Variants in TYR observed in about 807,000 individuals in gnomAD.
TYR encodes LB24-AB.
In TYR, 58 loss-of-function variants were observed where a neutral mutation model predicts 51.5. The ratio of observed to expected loss-of-function variants is 1.13; its 90% CI spans 0.91 to 1.40. The LOEUF (loss-of-function observed/expected upper bound fraction) is 1.40, where lower values mean the gene tolerates loss of function less well. Among genes scored for constraint, TYR ranks in the 40% most tolerant of loss-of-function variants. TYR has a pLI of 0.00. For missense variants in TYR, 732 were observed against 647.4 expected (o/e 1.13, Z -1.42); for synonymous variants, 263 against 235.2 (o/e 1.12, Z -1.08).
At chr11:89,229,053 G>A (rs778854454) in intron 3 of TYR, among the ~76,000 whole-genome samples, 4 of 152,026 alleles carry the variant, frequency 2.6e-5, no homozygotes, top group East Asian at 1.9e-4. Flanking sequence ...GTTATTTTTC[G>A]TGTTTTAAAG....
Position 89,284,924 on chromosome 11 carries a change from G to A in TYR, c.1336G>A (p.Gly446Ser), listed in dbSNP as rs104894317. 319 of 1,611,380 alleles carry A rather than the reference G, an allele frequency of 2.0e-4. No homozygotes were observed. The highest frequency in any genetic ancestry group is 2.6e-4 in the Non-Finnish European group (309 of 1,178,374). Residue 446 changes from glycine (G) to serine (S), a missense_variant, in exon 4 of 5, where the codon GGC (glycine) becomes AGC (serine). Coordinates refer to ENST00000263321, the MANE Select transcript of TYR (RefSeq NM_000372.5). ...GDFFISSKDL[G>S]YDYSYLQDSD... ...TTTCTTTATTTCATCCAAAGATCTG[G>A]GCTATGACTATAGCTATCTACAAGA...
At chr11:89,200,000 TG>T (rs1362691868) in intron 2 of TYR, among the ~76,000 whole-genome samples, 1 of 152,156 alleles carries the variant, frequency 6.6e-6, no homozygotes. Flanking sequence ...GGATAAGTCT[TG>T]GGAAAAATAT....
chr11:89,283,731 A>C (rs1339080038), intron 3 of TYR: 2 of 151,858 alleles, frequency 1.3e-5, no homozygotes, highest in African/African-American at 2.4e-5. Context: ...TCTCTTTGTC[A>C]TATTGTTAAT....
chr11:89,205,835 T>C (rs1235615405), intron 2 of TYR, among the ~76,000 whole-genome samples: 1 of 152,166 alleles, frequency 6.6e-6, no homozygotes, highest in African/African-American at 2.4e-5. Flanking sequence ...GTTTTCTAAA[T>C]TGTGATTTAA....
intron 3 of TYR, among the ~76,000 whole-genome samples, chr11:89,261,216 A>C (rs1944453097): frequency 6.6e-6 from 1 of 152,168 alleles, no homozygotes; most frequent in African/African-American, 2.4e-5. Context: ...TGTCAAGAAT[A>C]ATGACATTTT....
At chr11:89,251,628 A>G (rs888598839) in intron 3 of TYR, among the ~76,000 whole-genome samples, 1 of 151,914 alleles carries the variant, frequency 6.6e-6, no homozygotes, top group African/African-American at 2.4e-5. Context: ...AAAGGAAAAA[A>G]GTTTTGTTTC....
At chr11:89,205,547 T>C (rs895019048) in intron 2 of TYR, among the ~76,000 whole-genome samples, 3 of 152,158 alleles carry the variant, frequency 2.0e-5, no homozygotes, top group Admixed American at 6.5e-5. Flanking sequence ...ATGACAGATC[T>C]TTCCTTTGAC....
chr11:89,271,704 T>A (rs1237332398), intron 3 of TYR, among the ~76,000 whole-genome samples: 1 of 151,960 alleles, frequency 6.6e-6, no homozygotes, highest in East Asian at 1.9e-4. Flanking sequence ...TAGCATGTGA[T>A]GCTGTTTGAT....
chr11:89,262,654 G>A (rs1944471664), intron 3 of TYR, among the ~76,000 whole-genome samples: 1 of 138,344 alleles, frequency 7.2e-6, no homozygotes, highest in African/African-American at 2.7e-5. Context: ...AGGAATGAAA[G>A]AGGGGACATT....
chr11:89,180,160 T>A (rs1943282900), intron 1 of TYR, among the ~76,000 whole-genome samples: 1 of 152,206 alleles, frequency 6.6e-6, no homozygotes, highest in African/African-American at 2.4e-5. Flanking sequence ...AAAAATGTGC[T>A]TGGAAAAAAA....
At chr11:89,210,737 A>C (rs1943743568) in intron 2 of TYR, among the ~76,000 whole-genome samples, 1 of 152,210 alleles carries the variant, frequency 6.6e-6, no homozygotes, top group African/African-American at 2.4e-5. Flanking sequence ...GTTACCCACA[A>C]AGGGAAGCCC....
chr11:89,222,419 C>G (rs750873286), intron 2 of TYR, among the ~76,000 whole-genome samples: 3 of 152,112 alleles, frequency 2.0e-5, no homozygotes, highest in Non-Finnish European at 4.4e-5. Context: ...AAGAAAAGAG[C>G]AAAAGAGATC....
At chr11:89,228,015 A>G in intron 3 of TYR, 45 bp downstream of exon 3, 1 of 1,603,088 alleles carries the variant, frequency 6.2e-7, no homozygotes, top group Non-Finnish European at 8.5e-7. Flanking sequence ...TTGGATTTAA[A>G]TAGAGGGTGC....
At chr11:89,244,870 C>T (rs1944243948) in intron 3 of TYR, among the ~76,000 whole-genome samples, 3 of 152,126 alleles carry the variant, frequency 2.0e-5, no homozygotes, top group South Asian at 2.1e-4. Context: ...AACTAGTTTC[C>T]TCGAGGGCAG....
chr11:89,195,684 A>C (rs941308780), intron 2 of TYR, among the ~76,000 whole-genome samples: 1 of 151,934 alleles, frequency 6.6e-6, no homozygotes, highest in Non-Finnish European at 1.5e-5. Flanking sequence ...ATAAATAAAT[A>C]AATAAATAAA....
intron 4 of TYR, 124 bp from the exon 5 acceptor site, chr11:89,295,019 A>G: frequency 3.4e-6 from 5 of 1,479,048 alleles, no homozygotes; most frequent in Non-Finnish European, 3.7e-6. Flanking sequence ...CTTACAGTTA[A>G]TAAGTAGTAG....
intron 3 of TYR, among the ~76,000 whole-genome samples, chr11:89,233,643 A>C (rs1944077921): frequency 7.0e-6 from 1 of 142,410 alleles, no homozygotes; most frequent in South Asian, 2.3e-4. Flanking sequence ...GTTAGCAGGC[A>C]TGAAAACAGT....
chr11:89,217,101 A>G (rs1481550037), intron 2 of TYR, among the ~76,000 whole-genome samples: 1 of 152,144 alleles, frequency 6.6e-6, no homozygotes, highest in Non-Finnish European at 1.5e-5. Flanking sequence ...CTCTTACCAT[A>G]ATGTTCTGTC....
At chr11:89,276,460 CT>C (rs1944655779) in intron 3 of TYR, among the ~76,000 whole-genome samples, 1 of 151,776 alleles carries the variant, frequency 6.6e-6, no homozygotes. Flanking sequence ...CTCATCTTAA[CT>C]CAGTCCCTTA....
Sources: gnomAD v4.1 joint callset for allele counts (sites outside exome capture counted in the v4.1 genomes callset) on GRCh38, gnomAD v4.1.1 for gene constraint, MANE v1.5 for transcripts, NCBI Gene and HGNC (gene_info 2026-07-23, HGNC 2026-07-21) for gene names.